NCOA3: variants seen among roughly 807,000 people sequenced by gnomAD.
NCOA3 encodes the protein CBP-interacting protein.
Under a neutral mutation model 158.8 loss-of-function variants are expected in NCOA3, and 51 were observed. The observed-to-expected ratio is 0.32, with a 90% CI of 0.26 to 0.41. The LOEUF is 0.41. NCOA3 is among the 10% of genes least tolerant of loss of function. NCOA3 has a pLI of 1.00. For synonymous variants in NCOA3, 537 were observed against 592.4 expected (o/e 0.91, Z 1.36); for missense variants, 1,510 against 1,746.6 (o/e 0.86, Z 2.41).
intron 2 of NCOA3, among the ~76,000 whole-genome samples, chr20:47,592,799 A>T (rs1230244580): frequency 6.6e-6 from 1 of 152,230 alleles, no homozygotes. Flanking sequence ...AGTTCTTCTC[A>T]TTTAAAAAAC....
intron 20 of NCOA3, among the ~76,000 whole-genome samples, chr20:47,651,540 T>C (rs886270693): frequency 6.6e-6 from 1 of 152,244 alleles, no homozygotes; most frequent in Non-Finnish European, 1.5e-5. Flanking sequence ...CACTGCAAAG[T>C]TGTCCCCTTG....
At chr20:47,560,591 C>G (rs1300994857) in intron 1 of NCOA3, among the ~76,000 whole-genome samples, 1 of 152,128 alleles carries the variant, frequency 6.6e-6, no homozygotes, top group Non-Finnish European at 1.5e-5. Context: ...TTTAGCCATT[C>G]CAATAGGTAT....
At chr20:47,541,647 C>T (rs2084739954) in intron 1 of NCOA3, among the ~76,000 whole-genome samples, 1 of 150,550 alleles carries the variant, frequency 6.6e-6, no homozygotes, top group African/African-American at 2.4e-5. Flanking sequence ...AGTTACCCTC[C>T]TGCCTTGCAA....
chr20:47,518,263 T>A (rs1386897880), intron 1 of NCOA3, among the ~76,000 whole-genome samples: 3 of 151,818 alleles, frequency 2.0e-5, no homozygotes, highest in African/African-American at 7.3e-5. Flanking sequence ...GGAGGATCGC[T>A]TAAGTCCAGG....
intron 1 of NCOA3, among the ~76,000 whole-genome samples, chr20:47,550,446 G>GAAAAAA (rs3091464): frequency 8.5e-6 from 1 of 117,742 alleles, no homozygotes; most frequent in Non-Finnish European, 1.7e-5. Context: ...CTCCGTCTCA[G>GAAAAAA]AAAAAAAAAA....
intron 4 of NCOA3, 32 bp downstream of exon 4, chr20:47,624,115 T>C: frequency 1.9e-6 from 3 of 1,567,668 alleles, no homozygotes; most frequent in Non-Finnish European, 8.7e-7. Flanking sequence ...TTTTGAACAG[T>C]GGTGGTTCCC....
chr20:47,595,011 C>G (rs1038868548), intron 2 of NCOA3, among the ~76,000 whole-genome samples: 1 of 151,506 alleles, frequency 6.6e-6, no homozygotes, highest in Non-Finnish European at 1.5e-5. Flanking sequence ...AGGCTGGTCT[C>G]GATCCCCTGA....
rs1370489166 is a variant in NCOA3, at chr20:47,652,714, C to T, written c.4121+134C>T. The T allele has an allele frequency of 4.9e-6, 5 of 1,014,140 alleles. No homozygotes were observed. In the East Asian group the frequency reaches 7.8e-5, roughly 16 times the overall value. The allele number at this position is 1,014,140 out of a possible 1,614,324, so 62.8% of individuals were successfully genotyped here. A position where few individuals can be genotyped will look rare whatever the true frequency, so the allele number is the denominator to read the frequency against. ...GTTCATATTAGAAGGTGTGATTTGG[C>T]TTGTCCATTTTGAGAGTCCTTCAAG... On this transcript the variant is annotated intron_variant, in intron 21 of 22. Coordinates refer to ENST00000371998, the MANE Select transcript of NCOA3 (RefSeq NM_181659.3).
intron 1 of NCOA3, among the ~76,000 whole-genome samples, chr20:47,532,481 A>G (rs1398536499): frequency 2.6e-5 from 4 of 152,294 alleles, no homozygotes; most frequent in Admixed American, 1.3e-4. Context: ...AAAAAATAGC[A>G]TAATAGCATA....
intron 1 of NCOA3, among the ~76,000 whole-genome samples, chr20:47,540,339 C>T (rs1210616850): frequency 2.6e-5 from 4 of 151,982 alleles, no homozygotes; most frequent in African/African-American, 2.4e-5. Context: ...TTTGGGAGGC[C>T]GATGAGGGTG....
At chr20:47,647,443 T>TG in intron 18 of NCOA3, 77 bp downstream of exon 18, 1 of 1,340,158 alleles carries the variant, frequency 7.5e-7, no homozygotes, top group Non-Finnish European at 1.0e-6. Flanking sequence ...TTCTTACCAC[T>TG]GGTGCAATCT....
chr20:47,505,351 C>T (rs1291720963), intron 1 of NCOA3, among the ~76,000 whole-genome samples: 1 of 152,064 alleles, frequency 6.6e-6, no homozygotes, highest in Admixed American at 6.6e-5. Context: ...TGAGCCATCA[C>T]GCCAGCCTGC....
At chr20:47,642,967 G>C (rs1470338913) in intron 17 of NCOA3, among the ~76,000 whole-genome samples, 2 of 152,208 alleles carry the variant, frequency 1.3e-5, no homozygotes, top group East Asian at 3.8e-4. Context: ...CTGGAGTGCA[G>C]TGGCACAATT....
chr20:47,563,374 G>T (rs2085138032), intron 1 of NCOA3, among the ~76,000 whole-genome samples: 1 of 152,094 alleles, frequency 6.6e-6, no homozygotes, highest in African/African-American at 2.4e-5. Flanking sequence ...CTCTGATAGG[G>T]GATGTTTATG....
chr20:47,576,501 G>C (rs2085374296), intron 1 of NCOA3, among the ~76,000 whole-genome samples: 1 of 152,096 alleles, frequency 6.6e-6, no homozygotes, highest in African/African-American at 2.4e-5. Flanking sequence ...CAAGAAGAAA[G>C]AAGATAATTA....
chr20:47,622,372 C>T, intron 3 of NCOA3, 42 bp downstream of exon 3: 3 of 1,309,536 alleles, frequency 2.3e-6, no homozygotes, highest in Non-Finnish European at 3.2e-6. Context: ...ACTTGTTGTG[C>T]CTTTGTTTAA....
rs1488215252 is a variant in NCOA3, at chr20:47,635,497, G to A, written c.1288G>A (p.Gly430Arg). 6.2e-7 allele frequency: 1 copy of A among 1,613,968 alleles called. No individual in the cohort carries two copies. The highest frequency in any genetic ancestry group is 8.5e-7 in the Non-Finnish European group (1 of 1,180,012). The change falls in exon 11 of 23, where the codon GGA (glycine) becomes AGA (arginine). Residue 430 changes from glycine (G) to arginine (R), a missense_variant. By Grantham distance (125) the Gly-to-Arg change is moderately radical. This residue lies in a region of NCOA3 where 1,017 missense variants were observed against 1,098.3 expected (regional missense o/e 0.93). Coordinates refer to ENST00000371998, the MANE Select transcript of NCOA3 (RefSeq NM_181659.3). ...ADPSTTGQMSGARYGGSSNIA... is the reference protein window; with the variant it reads ...ADPSTTGQMSRARYGGSSNIA... ...CCCTAGCACCACAGGGCAGATGAGT[G>A]GAGCTAGGTATGGGGGTTCCAGTAA...
In NCOA3 at chr20:47,654,833, A is replaced by G. The variant is rs1346650135; in HGVS notation, c.*1416A>G. 1 of 151,650 alleles carries G rather than the reference A, an allele frequency of 6.6e-6. No individual in the cohort carries two copies. The highest frequency in any genetic ancestry group is 1.5e-5 in the Non-Finnish European group (1 of 67,946). The allele number at this position is 151,650 out of a possible 1,614,324, so 9.4% of individuals were successfully genotyped here. A position where few individuals can be genotyped will look rare whatever the true frequency, so the allele number is the denominator to read the frequency against. ...TTTGGATTTTAAGCAGTCCGAAATA[A>G]TAGCAATTCATGGGCTGTGTGTGTG... On this transcript the variant is annotated 3_prime_UTR_variant, in exon 23 of 23. Transcript: ENST00000371998.
rs560013796 is a variant in NCOA3 at position 47,636,523 on chromosome 20, A to G, written c.2137A>G (p.Ile713Val). The change falls in exon 12 of 23, where the codon ATA (isoleucine) becomes GTA (valine). Residue 713 changes from isoleucine (I) to valine (V), a missense_variant. Ile to Val is a conservative substitution (Grantham distance 29, BLOSUM62 3). Transcript: ENST00000371998. Reference protein sequence around the residue: ...AEATGKDTSSITSCGDGNVVK... With the variant: ...AEATGKDTSSVTSCGDGNVVK... ...AGCCACTGGGAAAGACACCAGCAGT[A>G]TAACTTCTTGTGGGGACGGAAATGT... 2 of 1,614,230 alleles carry G rather than the reference A, an allele frequency of 1.2e-6. No individual in the cohort carries two copies. The highest frequency in any genetic ancestry group is 1.7e-5 in the Admixed American group (1 of 60,018).
Sources: gnomAD v4.1 joint callset for allele counts (sites outside exome capture counted in the v4.1 genomes callset) on GRCh38, gnomAD v4.1.1 for gene constraint, gnomAD v4.1.1 regional missense constraint, MANE v1.5 for transcripts, NCBI Gene and HGNC (gene_info 2026-07-23, HGNC 2026-07-21) for gene names.